Variants in CFAP52 observed in about 807,000 individuals in gnomAD.
CFAP52 encodes the protein cilia- and flagella-associated protein 52.
In CFAP52, 57 loss-of-function variants were observed where a neutral mutation model predicts 70.5. The observed-to-expected ratio is 0.81, with a 90% CI of 0.65 to 1.01. The LOEUF is 1.01. Among genes scored for constraint, CFAP52 ranks in the 50% least tolerant of loss-of-function variants. The pLI is 0.00. For missense variants in CFAP52, 785 were observed against 788.5 expected (o/e 1.00, Z 0.05); for synonymous variants, 267 against 292.5 (o/e 0.91, Z 0.89).
intron 6 of CFAP52, among the ~76,000 whole-genome samples, chr17:9,605,888 G>A (rs1223006784): frequency 6.6e-6 from 1 of 151,996 alleles, no homozygotes; most frequent in Non-Finnish European, 1.5e-5. Context: ...GAACCCTAAT[G>A]TACACAATGG....
chr17:9,601,759 C>T (rs984652665), intron 6 of CFAP52, among the ~76,000 whole-genome samples: 2 of 152,174 alleles, frequency 1.3e-5, no homozygotes, highest in African/African-American at 4.8e-5. Flanking sequence ...ATAACAAATG[C>T]TGCTATTTCC....
Position 9,608,128 on chromosome 17 carries a change from G to A in CFAP52, c.763G>A (p.Ala255Thr), listed in dbSNP as rs146937773. 5.6e-6 allele frequency: 9 copies of A among 1,612,134 alleles called. No individual in the cohort carries two copies. In the East Asian group the frequency reaches 1.8e-4, roughly 32 times the overall value. ...AKDKFSLGVS[A>T]IRCLKMGGLL... is the part of the protein sequence containing the mutation. Reference sequence around the variant, plus strand: ...CAGTTTTTCCCCCTAGGGAGTGTCAGCTATCAGGTGCCTGAAGATGGGGGG... The same window carrying A: ...CAGTTTTTCCCCCTAGGGAGTGTCAACTATCAGGTGCCTGAAGATGGGGGG... The change falls in exon 7 of 14, where the codon GCT becomes ACT. Residue 255 changes from alanine (A) to threonine (T), a missense_variant. Physicochemically the swap from Ala to Thr is moderately conservative, Grantham distance 58 (BLOSUM62 0). Transcript: ENST00000352665.
chr17:9,615,276 T>C (rs765465858), intron 8 of CFAP52, among the ~76,000 whole-genome samples: 5 of 152,244 alleles, frequency 3.3e-5, no homozygotes, highest in Non-Finnish European at 5.9e-5. Flanking sequence ...TAATATTCTG[T>C]TAGGTTGGTG....
chr17:9,590,692 A>C (rs1013785525), intron 3 of CFAP52, among the ~76,000 whole-genome samples: 6 of 152,178 alleles, frequency 3.9e-5, no homozygotes. Context: ...TTGCGGGGAA[A>C]ATGGCCCCTT....
Position 9,594,325 on chromosome 17 carries a change from T to C in CFAP52, c.536+4T>C, listed in dbSNP as rs1429276660. ...AGATGTTTATGACTGCTGGAAAGTATGTGTCTGCGTTCGGAGTTTTCAGAA... is the reference window on the plus strand; with the variant it reads ...AGATGTTTATGACTGCTGGAAAGTACGTGTCTGCGTTCGGAGTTTTCAGAA... On this transcript the variant is annotated splice_donor_region_variant and intron_variant, in intron 4 of 13. Coordinates refer to ENST00000352665, the MANE Select transcript of CFAP52 (RefSeq NM_145054.5). The C allele has an allele frequency of 6.2e-7, 1 of 1,610,384 alleles. No homozygotes were observed. The highest frequency in any genetic ancestry group is 2.2e-5 in the East Asian group (1 of 44,834).
At chr17:9,601,357 C>T (rs989309653) in intron 6 of CFAP52, among the ~76,000 whole-genome samples, 8 of 151,834 alleles carry the variant, frequency 5.3e-5, no homozygotes, top group Admixed American at 3.9e-4. Context: ...CACATGTATA[C>T]ATATGTAACA....
chr17:9,644,207 G>A (rs1911217802), downstream of CFAP52, among the ~76,000 whole-genome samples: 1 of 152,156 alleles, frequency 6.6e-6, no homozygotes, highest in Non-Finnish European at 1.5e-5. Flanking sequence ...ACTGAATCAA[G>A]CGATTCTCCT....
intron 3 of CFAP52, among the ~76,000 whole-genome samples, chr17:9,588,058 C>G (rs1187324471): frequency 6.6e-6 from 1 of 152,162 alleles, no homozygotes; most frequent in African/African-American, 2.4e-5. Flanking sequence ...GTGTTGAACA[C>G]AAGTGGCCAG....
rs149894242 is a variant in CFAP52 at position 9,597,869 on chromosome 17, G to T, written c.537-365G>T. Among the ~76,000 whole-genome samples the T allele has an allele frequency of 4.9e-3, 737 of 151,924 alleles. 5 individuals carry two copies. The highest frequency in any genetic ancestry group is 0.027 in the Middle Eastern group (8 of 294). ...AGAGAGAAAGAGAGAGAGAAAGAAAGAAAGAAAGAAAAGAAAAAGAGGAAG... is the reference window on the plus strand; with the variant it reads ...AGAGAGAAAGAGAGAGAGAAAGAAATAAAGAAAGAAAAGAAAAAGAGGAAG... On this transcript the variant is annotated intron_variant, in intron 4 of 13. Coordinates refer to ENST00000352665, the MANE Select transcript of CFAP52 (RefSeq NM_145054.5).
intron 3 of CFAP52, among the ~76,000 whole-genome samples, chr17:9,587,057 C>G (rs527655863): frequency 6.6e-6 from 1 of 152,072 alleles, no homozygotes; most frequent in Admixed American, 6.6e-5. Flanking sequence ...TGTCTGTGTT[C>G]CCTTCTATGT....
At chr17:9,581,650 T>C (rs1466463422) in intron 1 of CFAP52, among the ~76,000 whole-genome samples, 2 of 152,088 alleles carry the variant, frequency 1.3e-5, no homozygotes, top group Non-Finnish European at 2.9e-5. Context: ...GCAAAGAATA[T>C]GAATTGTAGT....
At chr17:9,607,155 G>C (rs1244054879) in intron 6 of CFAP52, among the ~76,000 whole-genome samples, 1 of 152,130 alleles carries the variant, frequency 6.6e-6, no homozygotes, top group East Asian at 1.9e-4. Flanking sequence ...AGACCAGCCT[G>C]GCCAACATGG....
intron 4 of CFAP52, among the ~76,000 whole-genome samples, chr17:9,596,963 C>A (rs1909046339): frequency 1.3e-5 from 2 of 152,088 alleles, no homozygotes; most frequent in African/African-American, 2.4e-5. Flanking sequence ...GGTGATCCAC[C>A]CACCTTTGCC....
rs191146003 is a variant in CFAP52, at chr17:9,642,481, G to A, written c.1688-542G>A. ...TCTACTAAAAACACAAAAATTAGCC[G>A]GGCGTGGTGGTGCACGCCTATAATC... On this transcript the variant is annotated intron_variant, in intron 13 of 13. Coordinates refer to ENST00000352665, the MANE Select transcript of CFAP52 (RefSeq NM_145054.5). 4.0e-4 allele frequency among the ~76,000 whole-genome samples: 61 copies of A among 152,206 alleles called. No individual in the cohort carries two copies. The East Asian group carries it at 6.4e-3, about 16-fold the overall frequency.
chr17:9,638,473 G>C, intron 11 of CFAP52, 136 bp from the exon 12 acceptor site: 1 of 708,352 alleles, frequency 1.4e-6, no homozygotes, highest in South Asian at 1.8e-5. Context: ...GCACCACTTT[G>C]CTGAGCAGTA....
At chr17:9,601,697 G>A (rs1481647519) in intron 6 of CFAP52, among the ~76,000 whole-genome samples, 3 of 152,162 alleles carry the variant, frequency 2.0e-5, no homozygotes, top group Non-Finnish European at 4.4e-5. Flanking sequence ...GACAGTTAGA[G>A]ACTTTGATAT....
chr17:9,644,682 T>C (rs1483156075), downstream of CFAP52: 1 of 151,958 alleles, frequency 6.6e-6, no homozygotes, highest in African/African-American at 2.4e-5. Context: ...GGATCGTGCG[T>C]TAAGGAGTGA....
At chr17:9,608,262 C>A in intron 7 of CFAP52, 43 bp downstream of exon 7, 1 of 1,434,078 alleles carries the variant, frequency 7.0e-7, no homozygotes, top group Non-Finnish European at 9.3e-7. Flanking sequence ...TAGAGACCCA[C>A]TAAACGGAGA....
chr17:9,639,730 G>A (rs775700519), intron 12 of CFAP52, among the ~76,000 whole-genome samples: 1 of 152,128 alleles, frequency 6.6e-6, no homozygotes, highest in African/African-American at 2.4e-5. Context: ...AGCTCCTTCA[G>A]CTGGGGTGGT....
Sources: allele counts gnomAD v4.1 joint callset (sites outside exome capture counted in the v4.1 genomes callset), GRCh38; gene constraint gnomAD v4.1.1; transcripts MANE v1.5; gene names NCBI Gene and HGNC (gene_info 2026-07-23, HGNC 2026-07-21).